The following PDE1C variants were observed in gnomAD, a reference collection of about 807,000 sequenced individuals.
PDE1C encodes the protein phosphodiesterase 1C.
In PDE1C, 62 loss-of-function variants were observed where a neutral mutation model predicts 93.1. The ratio of observed to expected loss-of-function variants is 0.67; its 90% CI spans 0.54 to 0.82. PDE1C has a LOEUF of 0.82. PDE1C is among the 40% of genes least tolerant of loss of function. The probability of loss-of-function intolerance (pLI) is 0.00; values close to 1 mark genes in which losing one functional copy is unlikely to be tolerated. For missense variants in PDE1C, 742 were observed against 884.6 expected (o/e 0.84, Z 2.04); for synonymous variants, 325 against 310.1 (o/e 1.05, Z -0.50).
At chr7:32,397,076 T>C (rs1325868829) in intron 1 of PDE1C, among the ~76,000 whole-genome samples, 1 of 152,184 alleles carries the variant, frequency 6.6e-6, no homozygotes, top group East Asian at 1.9e-4. Context: ...AGGGAAAAGC[T>C]TCCTAACTAT....
At chr7:32,126,132 A>G (rs956215552) in intron 3 of PDE1C, among the ~76,000 whole-genome samples, 5 of 152,140 alleles carry the variant, frequency 3.3e-5, no homozygotes, top group Non-Finnish European at 5.9e-5. Flanking sequence ...TGGTCACTGG[A>G]AACCATTATT....
In PDE1C at chr7:31,843,224, ATGT is replaced by A. The variant is rs559920904; in HGVS notation, c.980+4741_980+4743del. On this transcript the variant is annotated intron_variant, in intron 9 of 17. Transcript: ENST00000396191. ...AATATTAATTAAGGCAAAGTGGCTG[ATGT>A]TGTTCAAATCCTCTTAGGTCCTTAG... Among the ~76,000 whole-genome samples the A allele has an allele frequency of 3.3e-5, 5 of 152,040 alleles. No individual in the cohort carries two copies. In the East Asian group the frequency reaches 7.7e-4, roughly 23 times the overall value.
chr7:31,972,278 A>G (rs1161032656), intron 2 of PDE1C, among the ~76,000 whole-genome samples: 1 of 152,224 alleles, frequency 6.6e-6, no homozygotes, highest in Non-Finnish European at 1.5e-5. Flanking sequence ...TATTCAGATG[A>G]TATCTAAAAT....
At chr7:31,940,907 T>G (rs1805747874) in intron 2 of PDE1C, among the ~76,000 whole-genome samples, 1 of 152,034 alleles carries the variant, frequency 6.6e-6, no homozygotes, top group Non-Finnish European at 1.5e-5. Context: ...CCCTTTGCTC[T>G]GCCCACCTCA....
intron 2 of PDE1C, among the ~76,000 whole-genome samples, chr7:32,048,495 G>A (rs1225910852): frequency 6.6e-6 from 1 of 152,024 alleles, no homozygotes; most frequent in Non-Finnish European, 1.5e-5. Context: ...AAAGCCATGT[G>A]AGGAGAGAGG....
the PDE1C span, among the ~76,000 whole-genome samples, chr7:31,722,667 C>G: frequency 6.6e-6 from 1 of 152,062 alleles, no homozygotes; most frequent in Non-Finnish European, 1.5e-5. Context: ...GGTGAAGAAG[C>G]AGGATGGTGG....
At chr7:31,890,616 C>T (rs928861245) in intron 2 of PDE1C, among the ~76,000 whole-genome samples, 3 of 152,172 alleles carry the variant, frequency 2.0e-5, no homozygotes, top group African/African-American at 7.2e-5. Context: ...CCAGCAAAAT[C>T]ACAGGAATTC....
intron 17 of PDE1C, among the ~76,000 whole-genome samples, chr7:31,771,358 T>C (rs573504646): frequency 3.1e-4 from 47 of 152,362 alleles, no homozygotes; most frequent in African/African-American, 1.1e-3. Context: ...AGGGTTCACA[T>C]TTCTCCACAC....
rs1801341699 is a variant in PDE1C at position 32,152,853 on chromosome 7, G to A, written c.308+16932C>T. On this transcript the variant is annotated intron_variant, in intron 3 of 18. Coordinates refer to the PDE1C transcript ENST00000396193. Reference sequence around the variant, plus strand: ...ATGAAAAAATTAGGACAAAAAAACTGTAGCCACACTATAATTATAACTATG... The same window carrying A: ...ATGAAAAAATTAGGACAAAAAAACTATAGCCACACTATAATTATAACTATG... Among the ~76,000 whole-genome samples the A allele has an allele frequency of 2.0e-5, 3 of 152,120 alleles. No individual in the cohort carries two copies. The South Asian group carries it at 6.2e-4, about 31-fold the overall frequency.
In PDE1C at chr7:31,790,295, G is replaced by T. The variant is rs547768205; in HGVS notation, c.1892-14563C>A. ...GAAAAAGAAAAAGAAAAGTGTCAATGCTGCCTTTCCCCCCGCCCACCTCCA... is the reference window on the plus strand; with the variant it reads ...GAAAAAGAAAAAGAAAAGTGTCAATTCTGCCTTTCCCCCCGCCCACCTCCA... On this transcript the variant is annotated intron_variant, in intron 16 of 17. Transcript: ENST00000396191. 7.6e-6 allele frequency: 12 copies of T among 1,579,728 alleles called. No homozygotes were observed. In the African/African-American group the frequency reaches 8.1e-5, roughly 11 times the overall value.
At chr7:32,309,330 A>G (rs1813106869) in intron 1 of PDE1C, among the ~76,000 whole-genome samples, 1 of 152,234 alleles carries the variant, frequency 6.6e-6, no homozygotes, top group Non-Finnish European at 1.5e-5. Flanking sequence ...ACTCTGCAGG[A>G]TATTATCCAG....
intron 2 of PDE1C, among the ~76,000 whole-genome samples, chr7:31,963,784 G>C (rs189378697): frequency 6.6e-6 from 1 of 152,160 alleles, no homozygotes; most frequent in Non-Finnish European, 1.5e-5. Flanking sequence ...ACTCAGTCTG[G>C]CATTGAATTA....
chr7:32,065,053 G>T (rs1463001514), intron 1 of PDE1C, among the ~76,000 whole-genome samples: 25 of 2,846 alleles, frequency 8.8e-3, no homozygotes, highest in African/African-American at 0.085. Flanking sequence ...AACGGCGGTG[G>T]GGGGGGGGGG....
chr7:31,713,879 A>C, the PDE1C span, among the ~76,000 whole-genome samples: 1 of 152,272 alleles, frequency 6.6e-6, no homozygotes, highest in Middle Eastern at 3.4e-3. Flanking sequence ...CACACAGCAG[A>C]GGGACCCTGG....
At chr7:31,926,998 G>A (rs902709810) in intron 2 of PDE1C, among the ~76,000 whole-genome samples, 3 of 152,180 alleles carry the variant, frequency 2.0e-5, no homozygotes, top group African/African-American at 7.2e-5. Flanking sequence ...TGAAGCTAGG[G>A]AGCCAAGTGT....
chr7:32,093,666 TG>T (rs371708394), intron 3 of PDE1C, among the ~76,000 whole-genome samples: 33 of 152,360 alleles, frequency 2.2e-4, no homozygotes, highest in African/African-American at 7.2e-4. Flanking sequence ...CTTTGTCATT[TG>T]GCAAAGAGCC....
At chr7:32,255,463 G>A (rs1809722426) in intron 1 of PDE1C, among the ~76,000 whole-genome samples, 2 of 152,190 alleles carry the variant, frequency 1.3e-5, no homozygotes, top group South Asian at 2.1e-4. Context: ...TGAAACATTA[G>A]ATGGAGCCAT....
the PDE1C span, among the ~76,000 whole-genome samples, chr7:31,638,876 G>C: frequency 6.6e-6 from 1 of 151,902 alleles, no homozygotes; most frequent in Non-Finnish European, 1.5e-5. Flanking sequence ...TCCCAGGTTC[G>C]AGCAATTCTT....
At chr7:32,306,168 T>G (rs1812996851) in intron 1 of PDE1C, among the ~76,000 whole-genome samples, 2 of 152,190 alleles carry the variant, frequency 1.3e-5, no homozygotes, top group Admixed American at 6.5e-5. Flanking sequence ...TCCCCAGCCA[T>G]GTGGAAATGT....
Sources: gnomAD v4.1 joint callset for allele counts (sites outside exome capture counted in the v4.1 genomes callset) on GRCh38, gnomAD v4.1.1 for gene constraint, MANE v1.5 for transcripts, NCBI Gene and HGNC (gene_info 2026-07-23, HGNC 2026-07-21) for gene names.